DNM3: variants seen among roughly 807,000 people sequenced by gnomAD.
DNM3 encodes the protein dynamin 3.
A neutral mutation model predicts 101.6 loss-of-function variants in DNM3; 47 were observed. The observed-to-expected ratio is 0.46, with a 90% CI of 0.37 to 0.59. DNM3 has a LOEUF of 0.59. Ranked by LOEUF, DNM3 falls within the 20% of genes least tolerant of loss-of-function variation. The pLI, the probability that DNM3 is intolerant of heterozygous loss-of-function variation, is 0.00. For synonymous variants in DNM3, 385 were observed against 387.9 expected, an observed-to-expected ratio of 0.99 and a Z score of 0.09; for missense variants, 849 against 1,085.7, an observed-to-expected ratio of 0.78 and a Z score of 3.06.
chr1:172,231,699 A>T (rs1412930042), intron 14 of DNM3, among the ~76,000 whole-genome samples: 1 of 152,206 alleles, frequency 6.6e-6, no homozygotes, highest in South Asian at 2.1e-4. Context: ...ACCTTAAAAA[A>T]GATTAGGCAA....
At chr1:172,165,998 T>C (rs1011892822) in intron 14 of DNM3, among the ~76,000 whole-genome samples, 1 of 152,072 alleles carries the variant, frequency 6.6e-6, no homozygotes, top group Non-Finnish European at 1.5e-5. Context: ...GCCTTTCTTG[T>C]TTCCCCCTGG....
intron 14 of DNM3, among the ~76,000 whole-genome samples, chr1:172,213,894 T>C (rs1179973414): frequency 6.6e-6 from 1 of 151,766 alleles, no homozygotes. Flanking sequence ...TGCAAGCACA[T>C]TTTAACAATT....
At chr1:172,306,451 G>T (rs1274293562) in intron 15 of DNM3, among the ~76,000 whole-genome samples, 1 of 152,140 alleles carries the variant, frequency 6.6e-6, no homozygotes, top group Non-Finnish European at 1.5e-5. Context: ...TGGCCATACT[G>T]CCCAAGGTAA....
chr1:172,018,901 C>A (rs2047630788), intron 4 of DNM3, among the ~76,000 whole-genome samples: 1 of 152,052 alleles, frequency 6.6e-6, no homozygotes, highest in African/African-American at 2.4e-5. Flanking sequence ...ATTCCACTGG[C>A]AACAAACTTC....
At chr1:172,079,926 T>A (rs939000584) in intron 11 of DNM3, among the ~76,000 whole-genome samples, 3 of 152,190 alleles carry the variant, frequency 2.0e-5, no homozygotes, top group African/African-American at 7.2e-5. Context: ...CTCCAGACCC[T>A]GTTTGCCTGG....
chr1:172,206,470 A>G (rs752645898), intron 14 of DNM3, among the ~76,000 whole-genome samples: 2 of 152,132 alleles, frequency 1.3e-5, no homozygotes, highest in Non-Finnish European at 2.9e-5. Flanking sequence ...AAAGGTCAAG[A>G]TTGTTAAAAA....
At chr1:171,942,174 A>G (rs1177988633) in intron 2 of DNM3, among the ~76,000 whole-genome samples, 4 of 148,770 alleles carry the variant, frequency 2.7e-5, no homozygotes, top group Admixed American at 1.3e-4. Context: ...TCTTAGATCC[A>G]GAATGTTTTT....
chr1:172,033,419 A>T (rs1283402733), intron 6 of DNM3, among the ~76,000 whole-genome samples, 154 bp downstream of exon 6: 1 of 152,164 alleles, frequency 6.6e-6, no homozygotes, highest in Non-Finnish European at 1.5e-5. Context: ...AGTACCTCAG[A>T]TTCACACTAT....
chr1:172,049,151 C>T (rs1381226077), intron 10 of DNM3, among the ~76,000 whole-genome samples: 3 of 151,960 alleles, frequency 2.0e-5, no homozygotes, highest in Non-Finnish European at 2.9e-5. Flanking sequence ...ATATGTATTC[C>T]ACTTGAGTCT....
chr1:171,970,665 C>T lies in DNM3; in HGVS notation c.236-16991C>T, dbSNP rs563025302. On this transcript the variant is annotated intron_variant, in intron 2 of 20. Transcript: ENST00000627582. Reference sequence around the variant, plus strand: ...TGTAAGCGCTGTATTCTAAAATTAGCTTTTAAATCAAATATAGGGTATAGT... The same window carrying T: ...TGTAAGCGCTGTATTCTAAAATTAGTTTTTAAATCAAATATAGGGTATAGT... Among the ~76,000 whole-genome samples, 3 of 152,158 alleles carry T rather than the reference C, an allele frequency of 2.0e-5. No individual in the cohort carries two copies. The South Asian group carries it at 6.2e-4, about 32-fold the overall frequency.
chr1:172,195,926 G>A (rs1221543744), intron 14 of DNM3, among the ~76,000 whole-genome samples: 3 of 150,524 alleles, frequency 2.0e-5, no homozygotes, highest in African/African-American at 7.3e-5. Context: ...TCTATTTTAG[G>A]TTTGGGGGAA....
Position 172,291,268 on chromosome 1 carries a change from A to G in DNM3, c.1770-17460A>G, listed in dbSNP as rs555977201. Among the ~76,000 whole-genome samples, 733 of 102,908 alleles carry G rather than the reference A, an allele frequency of 7.1e-3. 4 individuals carry two copies. The highest frequency in any genetic ancestry group is 0.021 in the African/African-American group (692 of 33,310). 67.5% of individuals were successfully genotyped at this position (102,908 alleles called of 152,430 possible). A position where few individuals can be genotyped will look rare whatever the true frequency, so the allele number is the denominator to read the frequency against. ...AGTGTGTGTGTGTGCACACGCATAC[A>G]TGTGCGTGTGTACACGTGTGCACGC... On this transcript the variant is annotated intron_variant, in intron 15 of 20. Coordinates refer to ENST00000627582, the MANE Select transcript of DNM3 (RefSeq NM_015569.5).
chr1:171,962,788 A>G (rs936451026), intron 2 of DNM3, among the ~76,000 whole-genome samples: 1 of 152,126 alleles, frequency 6.6e-6, no homozygotes, highest in African/African-American at 2.4e-5. Context: ...GGGAGACACA[A>G]ACATTCAGTC....
Position 171,876,912 on chromosome 1 carries a change from T to C in DNM3, c.161+35095T>C, listed in dbSNP as rs1028762617. 2.9e-4 allele frequency among the ~76,000 whole-genome samples: 44 copies of C among 152,236 alleles called. 1 individual carries two copies. The highest frequency in any genetic ancestry group is 1.0e-3 in the African/African-American group (42 of 41,468). The stretch of plus-strand genomic sequence containing the variant: ...AGGAAGTTAATGTTGTTCCAGGCGA[T>C]TAGCAAAGTTACAAATATGTCCTTC... On this transcript the variant is annotated intron_variant, in intron 1 of 20. Coordinates refer to ENST00000627582, the MANE Select transcript of DNM3 (RefSeq NM_015569.5).
chr1:172,181,017 G>A (rs772208438), intron 14 of DNM3, among the ~76,000 whole-genome samples: 15 of 152,010 alleles, frequency 9.9e-5, no homozygotes, highest in African/African-American at 2.4e-4. Flanking sequence ...CCGCCACTCC[G>A]CTGGGCTCTG....
intron 2 of DNM3, among the ~76,000 whole-genome samples, chr1:171,922,501 T>C (rs1300384544): frequency 6.6e-6 from 1 of 152,240 alleles, no homozygotes; most frequent in Non-Finnish European, 1.5e-5. Flanking sequence ...AAAAATCATC[T>C]ATCATAAATT....
intron 11 of DNM3, among the ~76,000 whole-genome samples, chr1:172,080,207 C>T (rs2053026107): frequency 6.6e-6 from 1 of 152,172 alleles, no homozygotes; most frequent in Non-Finnish European, 1.5e-5. Context: ...TTTAAGTCTG[C>T]TGAAGTTGCA....
chr1:171,862,784 G>A (rs540872771), intron 1 of DNM3, among the ~76,000 whole-genome samples: 2 of 152,224 alleles, frequency 1.3e-5, no homozygotes, highest in East Asian at 1.9e-4. Context: ...ATCACTTTGA[G>A]GGAGAGTATA....
At chr1:172,223,996 C>T (rs571975501) in intron 14 of DNM3, among the ~76,000 whole-genome samples, 1 of 152,310 alleles carries the variant, frequency 6.6e-6, no homozygotes, top group African/African-American at 2.4e-5. Context: ...GCGTACATGT[C>T]TCCCAACTGC....
Sources: gnomAD v4.1 joint callset for allele counts (sites outside exome capture counted in the v4.1 genomes callset) on GRCh38, gnomAD v4.1.1 for gene constraint, MANE v1.5 for transcripts, NCBI Gene and HGNC (gene_info 2026-07-23, HGNC 2026-07-21) for gene names.